The following PTK2B variants were observed in gnomAD, a reference collection of about 807,000 sequenced individuals.
The protein encoded by PTK2B is protein-tyrosine kinase 2-beta.
PTK2B carries 71 observed loss-of-function variants against 142.9 expected under a neutral mutation model. The ratio of observed to expected loss-of-function variants is 0.50; its 90% CI spans 0.41 to 0.61. PTK2B has a LOEUF of 0.61. Ranked by LOEUF, PTK2B falls within the 20% of genes least tolerant of loss-of-function variation. PTK2B has a pLI of 0.00. For synonymous variants in PTK2B, 519 were observed against 503.4 expected, an observed-to-expected ratio of 1.03 and a Z score of -0.42; for missense variants, 1,105 against 1,320.4, an observed-to-expected ratio of 0.84 and a Z score of 2.53.
At position 27,435,799 on chromosome 8, in the gene PTK2B, T is replaced by G; in HGVS notation, c.1243+6T>G. ...AACCCTGCGAAGGCCCGGAGGTAGG[T>G]TCTCGACCCCGCCACAGCGACCGTA... On this transcript the variant is annotated splice_donor_region_variant and intron_variant, in intron 14 of 30. Transcript: ENST00000346049. 6.2e-7 allele frequency: 1 copy of G among 1,613,802 alleles called. No individual in the cohort carries two copies. Among genetic ancestry groups the G allele is most frequent in the Non-Finnish European group, 8.5e-7 (1 of 1,179,854 alleles).
At chr8:27,379,681 T>C (rs1369455483) in intron 1 of PTK2B, among the ~76,000 whole-genome samples, 2 of 152,218 alleles carry the variant, frequency 1.3e-5, no homozygotes, top group Non-Finnish European at 2.9e-5. Context: ...TTACTTACCT[T>C]TTAGCACATG....
chr8:27,441,869 CTCTCCTGGGCTGAGAGGTGTTCCCATCA>C (rs1444254524), intron 21 of PTK2B, among the ~76,000 whole-genome samples: 139 of 152,258 alleles, frequency 9.1e-4, no homozygotes, highest in African/African-American at 3.1e-3. Context: ...GTGCAGGTGT[CTCTCCTGGGCTGAGAGGTGTTCCCATCA>C]TCTCCTGGGC....
intron 24 of PTK2B, 79 bp from the exon 25 acceptor site, chr8:27,450,670 T>C: frequency 6.4e-7 from 1 of 1,555,210 alleles, no homozygotes; most frequent in Admixed American, 1.8e-5. Flanking sequence ...TGCCATGAGG[T>C]TCTTCAGAGG....
At chr8:27,312,065 T>A (rs1243961361) in intron 1 of PTK2B, among the ~76,000 whole-genome samples, 2 of 152,166 alleles carry the variant, frequency 1.3e-5, no homozygotes, top group African/African-American at 4.8e-5. Context: ...TCTGCAAAGT[T>A]TAGCTGAGAT....
At chr8:27,362,333 G>A (rs1014110290) in intron 1 of PTK2B, among the ~76,000 whole-genome samples, 1 of 152,172 alleles carries the variant, frequency 6.6e-6, no homozygotes, top group Non-Finnish European at 1.5e-5. Context: ...TGGCAGGTAT[G>A]TGTCATTTCC....
chr8:27,414,903 C>T (rs1343028742), intron 2 of PTK2B, among the ~76,000 whole-genome samples: 1 of 152,062 alleles, frequency 6.6e-6, no homozygotes, highest in Non-Finnish European at 1.5e-5. Context: ...CCTTTGACCC[C>T]TGACCTTGCC....
intron 1 of PTK2B, among the ~76,000 whole-genome samples, chr8:27,374,041 G>C (rs949297644): frequency 6.6e-6 from 1 of 151,980 alleles, no homozygotes; most frequent in Non-Finnish European, 1.5e-5. Context: ...GAGAAAGCAG[G>C]CTTGCAGTGA....
chr8:27,435,665 G>A, intron 13 of PTK2B, 78 bp from the exon 14 acceptor site: 22 of 1,534,840 alleles, frequency 1.4e-5, no homozygotes, highest in Non-Finnish European at 1.9e-5. Flanking sequence ...GCCTCCAGCA[G>A]GGAGCCCCAC....
At chr8:27,450,705 C>T (rs1811747489) in intron 24 of PTK2B, 44 bp from the exon 25 acceptor site, 2 of 1,610,226 alleles carry the variant, frequency 1.2e-6, no homozygotes, top group African/African-American at 2.7e-5. Flanking sequence ...AGTCTGAGAG[C>T]AGGGCTCATT....
chr8:27,311,382 G>T (rs957156700), upstream of PTK2B: 7 of 1,061,390 alleles, frequency 6.6e-6, no homozygotes, highest in East Asian at 2.0e-4. Context: ...CCAATCGTGC[G>T]GGGGGGATGG....
chr8:27,351,852 T>C (rs1805112004), intron 1 of PTK2B, among the ~76,000 whole-genome samples: 1 of 152,198 alleles, frequency 6.6e-6, no homozygotes, highest in Non-Finnish European at 1.5e-5. Flanking sequence ...GAACCTCTGT[T>C]TGACTTTCGT....
At position 27,446,014 on chromosome 8, in the gene PTK2B, G is replaced by A. The variant is rs908405176; in HGVS notation, c.2340+95G>A. On this transcript the variant is annotated intron_variant, in intron 24 of 30. Coordinates refer to ENST00000346049, the MANE Select transcript of PTK2B (RefSeq NM_173176.3). The stretch of plus-strand genomic sequence containing the variant: ...CTGGAAACCCCACGTCCTCAGCTCA[G>A]GAGGGCCCTTCCTGTTCCCATGCAC... 4 of 1,535,194 alleles carry A rather than the reference G, an allele frequency of 2.6e-6. No individual in the cohort carries two copies. In the African/African-American group the frequency reaches 5.4e-5, roughly 21 times the overall value.
At chr8:27,435,569 G>T (rs996764710) in intron 13 of PTK2B, among the ~76,000 whole-genome samples, 174 bp from the exon 14 acceptor site, 3 of 152,242 alleles carry the variant, frequency 2.0e-5, no homozygotes, top group Non-Finnish European at 4.4e-5. Flanking sequence ...CAGCCAAGGT[G>T]CCCTGGGCTC....
At chr8:27,386,551 TA>T (rs1807368145) in intron 1 of PTK2B, among the ~76,000 whole-genome samples, 1 of 152,224 alleles carries the variant, frequency 6.6e-6, no homozygotes, top group South Asian at 2.1e-4. Flanking sequence ...TGTCTATTTT[TA>T]ATTTTCTCAA....
rs1232444407 is a variant in PTK2B at position 27,363,166 on chromosome 8, C to A, written c.-37-34382C>A. On this transcript the variant is annotated intron_variant, in intron 1 of 30. Transcript: ENST00000346049. This position sits in a 1 kb window ranked among gnomAD's most constrained non-coding sequence, Gnocchi z 4.3. ...CCCATCCTGTCAGGCCAGAGCACTTCTGTGGTCTTCAGCCCAGTTCTGAGG... is the reference window on the plus strand; with the variant it reads ...CCCATCCTGTCAGGCCAGAGCACTTATGTGGTCTTCAGCCCAGTTCTGAGG... Among the ~76,000 whole-genome samples, 1 of 152,242 alleles carries A rather than the reference C, an allele frequency of 6.6e-6. No homozygotes were observed. The highest frequency in any genetic ancestry group is 1.5e-5 in the Non-Finnish European group (1 of 68,052).
chr8:27,325,964 G>GGGGGAGGCTA (rs1803386437), intron 1 of PTK2B, among the ~76,000 whole-genome samples: 1 of 152,106 alleles, frequency 6.6e-6, no homozygotes, highest in Admixed American at 6.5e-5. Context: ...AGGGGAGGCT[G>GGGGGAGGCTA]GGGGAGGCTA....
rs965210877 is a variant in PTK2B, at chr8:27,459,178, T to C, written c.*669T>C. The C allele has an allele frequency of 4.2e-6, 1 of 236,352 alleles. No homozygotes were observed. Among genetic ancestry groups the C allele is most frequent in the Non-Finnish European group, 8.3e-6 (1 of 119,920 alleles). The allele number at this position is 236,352 out of a possible 1,614,324, so 14.6% of individuals were successfully genotyped here. A position where few individuals can be genotyped will look rare whatever the true frequency, so the allele number is the denominator to read the frequency against. ...AAGAAGCAGAGAGATGCGGCCAAGA[T>C]AGGACCTTGGGCCAAATCCGCTCTC... On this transcript the variant is annotated 3_prime_UTR_variant, in exon 31 of 31. Transcript: ENST00000346049.
At chr8:27,362,672 C>T (rs531063206) in intron 1 of PTK2B, among the ~76,000 whole-genome samples, 34 of 151,884 alleles carry the variant, frequency 2.2e-4, no homozygotes, top group African/African-American at 8.0e-4. Flanking sequence ...CTTGCCAAAC[C>T]CCCTTTGTAG....
At chr8:27,444,115 C>G (rs1811323024) in intron 22 of PTK2B, 91 bp from the exon 23 acceptor site, 1 of 1,333,100 alleles carries the variant, frequency 7.5e-7, no homozygotes, top group Non-Finnish European at 1.1e-6. Flanking sequence ...TGGAACAAGC[C>G]TGAGGTGTCT....
Sources: gnomAD v4.1 joint callset for allele counts (sites outside exome capture counted in the v4.1 genomes callset) on GRCh38, gnomAD v4.1.1 for gene constraint, Gnocchi (gnomAD v3.1) non-coding constraint, MANE v1.5 for transcripts, NCBI Gene and HGNC (gene_info 2026-07-23, HGNC 2026-07-21) for gene names.